TMEM117: variants seen among roughly 807,000 people sequenced by gnomAD.
The protein encoded by TMEM117 is transmembrane protein 117.
TMEM117 carries 27 observed loss-of-function variants against 52.4 expected under a neutral mutation model. That is an observed-to-expected ratio of 0.51 (90% CI 0.38 to 0.71). TMEM117 has a LOEUF of 0.71. Ranked by LOEUF, TMEM117 falls within the 30% of genes least tolerant of loss-of-function variation. The pLI, the probability that TMEM117 is intolerant of heterozygous loss-of-function variation, is 0.00. For synonymous variants in TMEM117, 215 were observed against 206.3 expected, an observed-to-expected ratio of 1.04 and a Z score of -0.36; for missense variants, 556 against 630.5, an observed-to-expected ratio of 0.88 and a Z score of 1.26.
At chr12:43,985,815 C>T (rs899062244) in intron 3 of TMEM117, among the ~76,000 whole-genome samples, 2 of 152,168 alleles carry the variant, frequency 1.3e-5, no homozygotes, top group Non-Finnish European at 1.5e-5. Context: ...TGGCCTTGCC[C>T]GTCACTGCTA....
At chr12:44,359,985 T>C (rs1951699423) in intron 6 of TMEM117, among the ~76,000 whole-genome samples, 1 of 152,166 alleles carries the variant, frequency 6.6e-6, no homozygotes, top group South Asian at 2.1e-4. Context: ...AATAAAAAGT[T>C]GAATCTCAAA....
chr12:44,156,644 G>A (rs1324202805), intron 4 of TMEM117, among the ~76,000 whole-genome samples: 4 of 152,016 alleles, frequency 2.6e-5, no homozygotes, highest in Non-Finnish European at 5.9e-5. Context: ...GGAACATTTG[G>A]ACATATTCTA....
rs75751564 is a variant in TMEM117, at chr12:44,388,791, C to A, written c.*119C>A. ...GTGTTAGGTAAAAATATGAACAATG[C>A]CACAACGGTGCTCAACATGCTTTTT... On this transcript the variant is annotated 3_prime_UTR_variant, in exon 8 of 8. Transcript: ENST00000266534. The A allele has an allele frequency of 3.1e-3, 3,307 of 1,082,694 alleles. 64 individuals carry two copies. The African/African-American group carries it at 0.047, about 15-fold the overall frequency. 67.1% of individuals were successfully genotyped at this position (1,082,694 alleles called of 1,614,324 possible). A position where few individuals can be genotyped will look rare whatever the true frequency, so the allele number is the denominator to read the frequency against.
intron 2 of TMEM117, among the ~76,000 whole-genome samples, chr12:43,918,136 T>C (rs1011268830): frequency 1.3e-5 from 2 of 152,160 alleles, no homozygotes; most frequent in Non-Finnish European, 2.9e-5. Flanking sequence ...GCCTACAGGG[T>C]GCTGCAGACT....
intron 3 of TMEM117, among the ~76,000 whole-genome samples, chr12:44,086,534 T>A (rs1947570014): frequency 6.6e-6 from 1 of 152,068 alleles, no homozygotes; most frequent in Non-Finnish European, 1.5e-5. Context: ...GATTCCTGCC[T>A]CCATTGTACT....
chr12:43,800,612 T>G, the TMEM117 span: 8 of 1,078,624 alleles, frequency 7.4e-6, no homozygotes, highest in African/African-American at 1.6e-5. Flanking sequence ...TATATTAATA[T>G]CCTGAATCAC....
At chr12:43,870,713 T>C (rs1023638789) in intron 2 of TMEM117, among the ~76,000 whole-genome samples, 1 of 152,204 alleles carries the variant, frequency 6.6e-6, no homozygotes, top group East Asian at 1.9e-4. Flanking sequence ...CCACAATGGT[T>C]GAACTGACTT....
At chr12:44,306,039 C>A (rs1950899082) in intron 6 of TMEM117, among the ~76,000 whole-genome samples, 2 of 152,062 alleles carry the variant, frequency 1.3e-5, no homozygotes, top group Non-Finnish European at 2.9e-5. Flanking sequence ...AACCAAATAC[C>A]ACATGTTCTC....
chr12:44,012,621 A>G (rs1946311929), intron 3 of TMEM117, among the ~76,000 whole-genome samples: 1 of 151,670 alleles, frequency 6.6e-6, no homozygotes, highest in East Asian at 1.9e-4. Context: ...AGCATTCTTC[A>G]TTTCTGATCC....
At chr12:44,364,406 A>G (rs1951763091) in intron 6 of TMEM117, among the ~76,000 whole-genome samples, 1 of 152,144 alleles carries the variant, frequency 6.6e-6, no homozygotes. Context: ...AATTTGTAAT[A>G]CTTTTAAATA....
intron 2 of TMEM117, among the ~76,000 whole-genome samples, chr12:43,889,719 C>A (rs1292874948): frequency 6.6e-6 from 1 of 152,160 alleles, no homozygotes; most frequent in Non-Finnish European, 1.5e-5. Flanking sequence ...CAGACTATAA[C>A]CACTTTGCTG....
the TMEM117 span, chr12:43,797,630 T>A: frequency 6.7e-7 from 1 of 1,500,512 alleles, no homozygotes; most frequent in Non-Finnish European, 8.9e-7. Flanking sequence ...AAATGTAAAA[T>A]CCATTAATAA....
chr12:43,892,939 A>G (rs1055500235), intron 2 of TMEM117, among the ~76,000 whole-genome samples: 1 of 152,214 alleles, frequency 6.6e-6, no homozygotes, highest in African/African-American at 2.4e-5. Flanking sequence ...AGATTTTATC[A>G]TAGACTTAAG....
chr12:43,853,923 G>A (rs1448278074), intron 2 of TMEM117, among the ~76,000 whole-genome samples: 1 of 152,130 alleles, frequency 6.6e-6, no homozygotes, highest in Non-Finnish European at 1.5e-5. Flanking sequence ...CAGGTCATGG[G>A]GTAGAAAGTG....
chr12:43,894,411 A>C (rs1944162151), intron 2 of TMEM117, among the ~76,000 whole-genome samples: 2 of 151,810 alleles, frequency 1.3e-5, no homozygotes, highest in African/African-American at 4.8e-5. Context: ...TTAACTTTTA[A>C]GTTTGGGGGT....
At chr12:44,169,974 GC>G (rs1194608514) in intron 4 of TMEM117, among the ~76,000 whole-genome samples, 1 of 152,022 alleles carries the variant, frequency 6.6e-6, no homozygotes, top group Non-Finnish European at 1.5e-5. Context: ...AAATCATGCT[GC>G]TATAAAGACA....
intron 2 of TMEM117, among the ~76,000 whole-genome samples, chr12:43,857,924 G>A (rs991026204): frequency 6.6e-6 from 1 of 152,194 alleles, no homozygotes; most frequent in Non-Finnish European, 1.5e-5. Context: ...AGGCGAATGT[G>A]CTGATATGGT....
intron 5 of TMEM117, among the ~76,000 whole-genome samples, chr12:44,281,023 C>G (rs1950570610): frequency 6.6e-6 from 1 of 152,042 alleles, no homozygotes; most frequent in Non-Finnish European, 1.5e-5. Context: ...CCAGTTTTTC[C>G]TGAATTAGTC....
At chr12:44,095,886 G>A (rs1375697021) in intron 3 of TMEM117, among the ~76,000 whole-genome samples, 1 of 152,116 alleles carries the variant, frequency 6.6e-6, no homozygotes, top group African/African-American at 2.4e-5. Context: ...GCAGGAGAAG[G>A]AAATAAAGGG....
Sources: gnomAD v4.1 joint callset for allele counts (sites outside exome capture counted in the v4.1 genomes callset) on GRCh38, gnomAD v4.1.1 for gene constraint, MANE v1.5 for transcripts, NCBI Gene and HGNC (gene_info 2026-07-23, HGNC 2026-07-21) for gene names.